The following ANO3 variants were observed in gnomAD, a reference collection of about 807,000 sequenced individuals.
The protein encoded by ANO3 is anoctamin 3.
A neutral mutation model predicts 144.8 loss-of-function variants in ANO3; 99 were observed. The observed-to-expected ratio is 0.68, with a 90% CI of 0.58 to 0.81. The LOEUF (loss-of-function observed/expected upper bound fraction) is 0.81, where lower values mean the gene tolerates loss of function less well. ANO3 is among the 30% of genes least tolerant of loss of function. The probability of loss-of-function intolerance (pLI) is 0.00; values close to 1 mark genes in which losing one functional copy is unlikely to be tolerated. For missense variants in ANO3, 905 were observed against 1,202.2 expected (o/e 0.75, Z 3.66); for synonymous variants, 414 against 392.6 (o/e 1.05, Z -0.64).
intron 1 of ANO3, among the ~76,000 whole-genome samples, chr11:26,277,628 C>A (rs1853587572): frequency 6.6e-6 from 1 of 152,010 alleles, no homozygotes; most frequent in East Asian, 1.9e-4. Flanking sequence ...TAACTACATG[C>A]TTTCACATAG....
At chr11:26,312,655 G>A (rs942027628) in intron 1 of ANO3, among the ~76,000 whole-genome samples, 1 of 152,182 alleles carries the variant, frequency 6.6e-6, no homozygotes, top group Non-Finnish European at 1.5e-5. Flanking sequence ...TTTGAGAAGT[G>A]TCTGTTCATA....
intron 1 of ANO3, among the ~76,000 whole-genome samples, chr11:26,415,593 A>G (rs980279078): frequency 2.0e-4 from 30 of 152,192 alleles, no homozygotes; most frequent in Admixed American, 6.6e-4. Flanking sequence ...TTGCAAAAAG[A>G]GCTTACATGT....
intron 1 of ANO3, among the ~76,000 whole-genome samples, chr11:26,228,929 A>G (rs1329606219): frequency 6.6e-6 from 1 of 152,216 alleles, no homozygotes; most frequent in African/African-American, 2.4e-5. Flanking sequence ...GAAAAATTGT[A>G]TTAGTCACTG....
chr11:26,367,858 A>C (rs760959191), intron 1 of ANO3, among the ~76,000 whole-genome samples: 46 of 152,198 alleles, frequency 3.0e-4, no homozygotes, highest in Non-Finnish European at 4.9e-4. Flanking sequence ...AGCAAAATAA[A>C]GTGGGGCAGG....
chr11:26,365,607 G>A (rs1198246111), intron 1 of ANO3, among the ~76,000 whole-genome samples: 1 of 152,156 alleles, frequency 6.6e-6, no homozygotes, highest in Non-Finnish European at 1.5e-5. Flanking sequence ...AAACCATGGG[G>A]AAGCCACCAC....
chr11:26,392,830 GC>G (rs1228287084), intron 1 of ANO3, among the ~76,000 whole-genome samples: 2 of 152,104 alleles, frequency 1.3e-5, no homozygotes, highest in African/African-American at 4.8e-5. Flanking sequence ...CTTGGTTCAA[GC>G]CATACCTCTG....
intron 4 of ANO3, among the ~76,000 whole-genome samples, chr11:26,486,137 G>C (rs746741762): frequency 1.3e-5 from 2 of 152,100 alleles, no homozygotes; most frequent in Non-Finnish European, 2.9e-5. Context: ...GCCAAGGCAG[G>C]TGATCATGAG....
chr11:26,441,414 G>A (rs1055838481), intron 1 of ANO3, among the ~76,000 whole-genome samples: 9 of 152,086 alleles, frequency 5.9e-5, no homozygotes, highest in Non-Finnish European at 1.2e-4. Flanking sequence ...ACTGCGCCCG[G>A]CCTGCTGCCC....
At chr11:26,384,585 C>G (rs1265652577) in intron 1 of ANO3, among the ~76,000 whole-genome samples, 2 of 152,082 alleles carry the variant, frequency 1.3e-5, no homozygotes, top group Non-Finnish European at 2.9e-5. Context: ...CTTCTTTTTC[C>G]TTATTTCTAA....
chr11:26,390,967 T>C (rs1431229200), intron 1 of ANO3, among the ~76,000 whole-genome samples: 1 of 152,124 alleles, frequency 6.6e-6, no homozygotes, highest in Non-Finnish European at 1.5e-5. Context: ...ATAAAAATAT[T>C]AAATCCTTCT....
intron 1 of ANO3, among the ~76,000 whole-genome samples, chr11:26,194,510 T>A (rs1851546716): frequency 6.6e-6 from 1 of 150,490 alleles, no homozygotes. Flanking sequence ...TTTATTTATT[T>A]ATTATTTGAG....
At chr11:26,441,141 G>A (rs1181110920) in intron 1 of ANO3, among the ~76,000 whole-genome samples, 2 of 74,736 alleles carry the variant, frequency 2.7e-5, no homozygotes, top group Non-Finnish European at 4.9e-5. Context: ...TTTTTGAGAC[G>A]GAGTCTCGCT....
At chr11:26,193,468 A>G (rs949096711) in intron 1 of ANO3, among the ~76,000 whole-genome samples, 1 of 152,078 alleles carries the variant, frequency 6.6e-6, no homozygotes, top group Non-Finnish European at 1.5e-5. Context: ...GATGACCAAT[A>G]AACTATCTGT....
intron 4 of ANO3, among the ~76,000 whole-genome samples, chr11:26,476,639 T>C (rs928985164): frequency 2.0e-5 from 3 of 150,558 alleles, no homozygotes; most frequent in Non-Finnish European, 2.9e-5. Context: ...TCTGCCCCTT[T>C]GGGTGGGGAA....
At chr11:26,406,720 TGTGTGG>T (rs957544936) in intron 1 of ANO3, among the ~76,000 whole-genome samples, 17 of 138,180 alleles carry the variant, frequency 1.2e-4, no homozygotes, top group Admixed American at 5.3e-4. Context: ...TGTGTGTGTG[TGTGTGG>T]ATTGGTGGCA....
chr11:26,233,092 C>T (rs1011798569), intron 1 of ANO3, among the ~76,000 whole-genome samples: 1 of 152,000 alleles, frequency 6.6e-6, no homozygotes, highest in Admixed American at 6.6e-5. Context: ...TGGCGGGCGC[C>T]TGTAGTCCCA....
intron 17 of ANO3, among the ~76,000 whole-genome samples, chr11:26,611,092 T>G (rs973729353): frequency 6.6e-6 from 1 of 152,178 alleles, no homozygotes; most frequent in Non-Finnish European, 1.5e-5. Flanking sequence ...CTGTTAATTT[T>G]GTTGATTTTT....
intron 15 of ANO3, 96 bp downstream of exon 15, chr11:26,598,543 C>T: frequency 1.2e-6 from 1 of 858,864 alleles, no homozygotes; most frequent in South Asian, 1.8e-5. Context: ...AGTTAACCAC[C>T]ATTAGATTTT....
intron 1 of ANO3, among the ~76,000 whole-genome samples, chr11:26,430,007 G>C (rs1161057944): frequency 6.6e-6 from 1 of 152,134 alleles, no homozygotes; most frequent in Non-Finnish European, 1.5e-5. Context: ...GGAGGCCAAA[G>C]CGGGGAGATC....
Sources: allele counts gnomAD v4.1 joint callset (sites outside exome capture counted in the v4.1 genomes callset), GRCh38; gene constraint gnomAD v4.1.1; transcripts MANE v1.5; gene names NCBI Gene and HGNC (gene_info 2026-07-23, HGNC 2026-07-21).